LARGE1: variants seen among roughly 807,000 people sequenced by gnomAD.
The protein encoded by LARGE1 is xylosyl- and glucuronyltransferase LARGE1.
Under a neutral mutation model 87.6 loss-of-function variants are expected in LARGE1, and 43 were observed. The observed-to-expected ratio is 0.49, with a 90% CI of 0.38 to 0.63. The LOEUF (loss-of-function observed/expected upper bound fraction) is 0.63. Among genes scored for constraint, LARGE1 ranks in the 30% least tolerant of loss-of-function variants. The pLI is 0.00. For synonymous variants in LARGE1, 434 were observed against 394.6 expected (o/e 1.10, Z -1.18); for missense variants, 802 against 1,000.2 (o/e 0.80, Z 2.67).
intron 6 of LARGE1, among the ~76,000 whole-genome samples, chr22:33,490,081 G>C (rs1569208312): frequency 6.6e-6 from 1 of 152,186 alleles, no homozygotes; most frequent in Non-Finnish European, 1.5e-5. Flanking sequence ...CTGGAGCTAG[G>C]GGGGCTCTGC....
At chr22:33,633,958 C>A (rs2080186202) in intron 3 of LARGE1, among the ~76,000 whole-genome samples, 1 of 152,196 alleles carries the variant, frequency 6.6e-6, no homozygotes. Context: ...AGCTAAGTGG[C>A]CGCGTGATCT....
At chr22:33,253,538 C>G (rs181009449) in intron 11 of LARGE1, among the ~76,000 whole-genome samples, 243 of 152,274 alleles carry the variant, frequency 1.6e-3, no homozygotes, top group African/African-American at 5.7e-3. Flanking sequence ...ATGGTGAAAC[C>G]CTGTCTCTAC....
intron 5 of LARGE1, among the ~76,000 whole-genome samples, chr22:33,599,615 C>T (rs570382152): frequency 6.6e-6 from 1 of 152,292 alleles, no homozygotes; most frequent in South Asian, 2.1e-4. Context: ...GCGAATTTCC[C>T]ACAGTTCGTT....
chr22:33,697,196 G>A (rs192523005), intron 2 of LARGE1, among the ~76,000 whole-genome samples: 18 of 152,174 alleles, frequency 1.2e-4, no homozygotes, highest in East Asian at 7.7e-4. Context: ...GGCAGCTGTC[G>A]TTAGAGCTCT....
At chr22:33,818,461 A>G (rs5754696) in intron 1 of LARGE1, among the ~76,000 whole-genome samples, 38,947 of 151,946 alleles carry the variant, frequency 0.26, 5,141 homozygotes, top group Middle Eastern at 0.37. Context: ...AGAAAAGAGG[A>G]GGGGAGGAAG....
chr22:33,886,906 T>C (rs1415427481), intron 1 of LARGE1, among the ~76,000 whole-genome samples: 2 of 151,790 alleles, frequency 1.3e-5, no homozygotes, highest in Non-Finnish European at 2.9e-5. Flanking sequence ...AAGAAACAAA[T>C]AAACCAGAAC....
At chr22:33,471,942 C>T (rs1460444488) in intron 6 of LARGE1, among the ~76,000 whole-genome samples, 6 of 151,944 alleles carry the variant, frequency 3.9e-5, no homozygotes, top group Non-Finnish European at 7.4e-5. Context: ...CCTAGCTACT[C>T]GGGAGGCTGA....
the LARGE1 span, among the ~76,000 whole-genome samples, chr22:33,088,901 T>C: frequency 6.6e-6 from 1 of 152,226 alleles, no homozygotes; most frequent in Non-Finnish European, 1.5e-5. Flanking sequence ...CAGTGTGAGA[T>C]AATCCTTTGA....
intron 11 of LARGE1, among the ~76,000 whole-genome samples, chr22:33,177,532 A>C (rs1248135767): frequency 2.6e-5 from 4 of 152,228 alleles, no homozygotes; most frequent in Non-Finnish European, 5.9e-5. Flanking sequence ...GAATTAATTC[A>C]AGGTTCAAAA....
At chr22:33,136,998 G>T in the LARGE1 span, 1 of 152,052 alleles carries the variant, frequency 6.6e-6, no homozygotes, top group African/African-American at 2.4e-5. Flanking sequence ...CCATAGCCAT[G>T]AAATGAATGA....
In LARGE1 at chr22:33,334,435, A is replaced by AAAAC. The variant is rs796682561; in HGVS notation, c.1287+3210_1287+3211insGTTT. ...AAAAAAAAAAAAACAAAAAAAAAAA[A>AAAAC]CACCAAACAAAAAGAAACAGGGCAT... is the stretch of plus-strand genomic sequence containing the variant. On this transcript the variant is annotated intron_variant, in intron 10 of 14. Transcript: ENST00000397394. Among the ~76,000 whole-genome samples, 105 of 145,012 alleles carry AAAAC rather than the reference A, an allele frequency of 7.2e-4. 4 individuals carry two copies. Among genetic ancestry groups the AAAAC allele is most frequent in the African/African-American group, 1.4e-3 (51 of 36,468 alleles).
chr22:33,487,350 T>C (rs956777778), intron 6 of LARGE1, among the ~76,000 whole-genome samples: 1 of 152,200 alleles, frequency 6.6e-6, no homozygotes, highest in Admixed American at 6.5e-5. Context: ...CTGAATTCCC[T>C]GATCTCCACT....
In LARGE1 at chr22:33,539,351, C is replaced by T. The variant is rs146428941; in HGVS notation, c.787+25497G>A. Among the ~76,000 whole-genome samples, 1,225 of 152,208 alleles carry T rather than the reference C, an allele frequency of 8.0e-3. 9 individuals are homozygous for T. Among genetic ancestry groups the T allele is most frequent in the Middle Eastern group, 0.021 (6 of 292 alleles). ...TTCCCCATGCCCATGGGCATCCGCA[C>T]TTCACACTCATCTTATCACCAACCC... is the stretch of plus-strand genomic sequence containing the variant. On this transcript the variant is annotated intron_variant, in intron 6 of 14. Coordinates refer to ENST00000397394, the MANE Select transcript of LARGE1 (RefSeq NM_133642.5).
At chr22:33,183,549 T>A (rs1165074376) in intron 11 of LARGE1, among the ~76,000 whole-genome samples, 1 of 151,612 alleles carries the variant, frequency 6.6e-6, no homozygotes, top group Non-Finnish European at 1.5e-5. Context: ...ATCACAGCAT[T>A]ATTCACAATA....
intron 1 of LARGE1, among the ~76,000 whole-genome samples, chr22:33,779,181 G>A (rs1462208381): frequency 1.3e-5 from 2 of 152,106 alleles, no homozygotes; most frequent in African/African-American, 2.4e-5. Flanking sequence ...TATTATTAAT[G>A]ATCCTAAATT....
chr22:33,236,712 A>C (rs987687280), intron 11 of LARGE1, among the ~76,000 whole-genome samples: 2 of 152,190 alleles, frequency 1.3e-5, no homozygotes, highest in African/African-American at 4.8e-5. Flanking sequence ...GTGTTGGTGG[A>C]TGCTGCTGCT....
At chr22:33,879,272 C>CTCTG (rs2064588956) in intron 1 of LARGE1, among the ~76,000 whole-genome samples, 1 of 152,142 alleles carries the variant, frequency 6.6e-6, no homozygotes, top group Admixed American at 6.5e-5. Flanking sequence ...AGTCTCTTTT[C>CTCTG]TTATATACAG....
chr22:33,180,692 T>C (rs1344462882), intron 11 of LARGE1, among the ~76,000 whole-genome samples: 1 of 152,130 alleles, frequency 6.6e-6, no homozygotes, highest in Non-Finnish European at 1.5e-5. Flanking sequence ...AACTGATGAG[T>C]GAATAAATAA....
At chr22:33,224,031 C>A (rs774938954) in intron 11 of LARGE1, among the ~76,000 whole-genome samples, 3 of 152,182 alleles carry the variant, frequency 2.0e-5, no homozygotes, top group Non-Finnish European at 4.4e-5. Context: ...CGGTGGCTCA[C>A]GCTTGTAATC....
Sources: allele counts gnomAD v4.1 joint callset (sites outside exome capture counted in the v4.1 genomes callset), GRCh38; gene constraint gnomAD v4.1.1; transcripts MANE v1.5; gene names NCBI Gene and HGNC (gene_info 2026-07-23, HGNC 2026-07-21).